Variants in PRELID2 observed in about 807,000 individuals in gnomAD.
PRELID2 encodes the protein PRELI domain containing 2.
A neutral mutation model predicts 28.4 loss-of-function variants in PRELID2; 25 were observed. That is an observed-to-expected ratio of 0.88 (90% CI 0.64 to 1.23). The LOEUF is 1.23. PRELID2 is among the 50% of genes most tolerant of loss of function. The pLI, the probability that PRELID2 is intolerant of heterozygous loss-of-function variation, is 0.00. For missense variants in PRELID2, 201 were observed against 214.4 expected, an observed-to-expected ratio of 0.94 and a Z score of 0.39; for synonymous variants, 76 against 71.6, an observed-to-expected ratio of 1.06 and a Z score of -0.31.
At chr5:145,336,071 CT>C in the PRELID2 span, among the ~76,000 whole-genome samples, 1 of 152,202 alleles carries the variant, frequency 6.6e-6, no homozygotes. Context: ...TAAATGTCTT[CT>C]TTTGAGAAGT....
chr5:145,306,433 T>C, the PRELID2 span, among the ~76,000 whole-genome samples: 1 of 152,094 alleles, frequency 6.6e-6, no homozygotes, highest in Non-Finnish European at 1.5e-5. Flanking sequence ...ATTCCATTAA[T>C]TACAATGGCA....
At position 145,655,389 on chromosome 5, in the gene PRELID2, G is replaced by GA. The variant is rs573012856; in HGVS notation, n.70+109541dup. ...ACCAATGACTTTCTTCACAGAATTG[G>GA]AAAAAACTACTTTAAAGTTCATGTG... On this transcript the variant is annotated intron_variant and non_coding_transcript_variant, in intron 1 of 2. Coordinates refer to the PRELID2 transcript ENST00000510259. 3.8e-3 allele frequency among the ~76,000 whole-genome samples: 580 copies of GA among 152,226 alleles called. 2 individuals are homozygous for GA. Among genetic ancestry groups the GA allele is most frequent in the African/African-American group, 0.013 (543 of 41,536 alleles).
intron 1 of PRELID2, among the ~76,000 whole-genome samples, chr5:145,740,265 A>AATATATAT (rs70998029): frequency 6.1e-4 from 25 of 40,652 alleles, no homozygotes; most frequent in South Asian, 1.4e-3. Context: ...GGATTTATCA[A>AATATATAT]ATATATATAT....
At chr5:145,549,999 G>T (rs761682306) in intron 1 of PRELID2, among the ~76,000 whole-genome samples, 1 of 152,132 alleles carries the variant, frequency 6.6e-6, no homozygotes, top group East Asian at 1.9e-4. Flanking sequence ...ATTGAGGAGG[G>T]TGGGAAGGCA....
chr5:145,707,407 A>G lies in PRELID2; in HGVS notation n.70+57524T>C, dbSNP rs543514428. Among the ~76,000 whole-genome samples, 4 of 152,332 alleles carry G rather than the reference A, an allele frequency of 2.6e-5. No individual in the cohort carries two copies. The Middle Eastern group carries it at 0.01, about 389-fold the overall frequency. On this transcript the variant is annotated intron_variant and non_coding_transcript_variant, in intron 1 of 2. Coordinates refer to the PRELID2 transcript ENST00000510259. ...CGCCAGTAATGTCGGAAAGAAGGTA[A>G]TTTCTGTATTATGAGCTCCAAGCTT... is the stretch of plus-strand genomic sequence containing the variant.
chr5:145,350,394 G>A, the PRELID2 span, among the ~76,000 whole-genome samples: 1 of 152,092 alleles, frequency 6.6e-6, no homozygotes, highest in African/African-American at 2.4e-5. Context: ...AAAGGCACAG[G>A]GCTCCAAGTT....
At chr5:145,769,098 C>T (rs1757950075) in intron 5 of PRELID2, among the ~76,000 whole-genome samples, 1 of 152,140 alleles carries the variant, frequency 6.6e-6, no homozygotes, top group Non-Finnish European at 1.5e-5. Context: ...AAATTTACAC[C>T]ACTTATCACA....
rs1352548496 is a variant in PRELID2, at chr5:145,741,236, A to C, written n.70+23695T>G. Reference sequence around the variant, plus strand: ...ATATAAAATATATATATAATATATAATATAAATATATAATATATAAATAAT... The same window carrying C: ...ATATAAAATATATATATAATATATACTATAAATATATAATATATAAATAAT... On this transcript the variant is annotated intron_variant and non_coding_transcript_variant, in intron 1 of 2. Coordinates refer to the PRELID2 transcript ENST00000510259. Among the ~76,000 whole-genome samples the C allele has an allele frequency of 4.0e-3, 449 of 113,210 alleles. 3 individuals are homozygous for C. The highest frequency in any genetic ancestry group is 0.016 in the African/African-American group (425 of 27,340). 74.3% of individuals were successfully genotyped at this position (113,210 alleles called of 152,430 possible).
At chr5:145,492,842 TA>T (rs1375519394) in intron 1 of PRELID2, among the ~76,000 whole-genome samples, 1 of 140,550 alleles carries the variant, frequency 7.1e-6, no homozygotes, top group East Asian at 2.0e-4. Flanking sequence ...GCCTTAGGGT[TA>T]TATGGTCCCA....
At chr5:145,544,100 G>A (rs376293759) in intron 1 of PRELID2, among the ~76,000 whole-genome samples, 4 of 151,944 alleles carry the variant, frequency 2.6e-5, no homozygotes, top group African/African-American at 7.2e-5. Context: ...GGTGAGGGTC[G>A]GTGAGTCAGA....
intron 3 of PRELID2, among the ~76,000 whole-genome samples, chr5:145,818,472 T>C (rs886531104): frequency 3.3e-5 from 5 of 152,198 alleles, no homozygotes; most frequent in Admixed American, 6.5e-5. Context: ...TAGAAATGTA[T>C]GGTTTCCTAG....
intron 1 of PRELID2, among the ~76,000 whole-genome samples, chr5:145,565,606 T>C (rs1034948823): frequency 5.9e-5 from 9 of 152,242 alleles, no homozygotes; most frequent in African/African-American, 2.2e-4. Context: ...ATGCTCACCT[T>C]GTTATGATCC....
At chr5:145,512,665 C>T (rs1028713370) in intron 1 of PRELID2, among the ~76,000 whole-genome samples, 1 of 152,192 alleles carries the variant, frequency 6.6e-6, no homozygotes, top group Non-Finnish European at 1.5e-5. Context: ...TCAAGTGGGT[C>T]CCTGACCCCA....
the PRELID2 span, among the ~76,000 whole-genome samples, chr5:145,442,980 T>C: frequency 6.6e-6 from 1 of 151,998 alleles, no homozygotes; most frequent in Non-Finnish European, 1.5e-5. Flanking sequence ...AGCCCTATCT[T>C]ATCCATATGG....
At chr5:145,702,575 C>A (rs556398646) in intron 1 of PRELID2, among the ~76,000 whole-genome samples, 3 of 152,156 alleles carry the variant, frequency 2.0e-5, no homozygotes, top group African/African-American at 7.2e-5. Flanking sequence ...AAATCTCACA[C>A]AAGAAGGCAA....
intron 1 of PRELID2, among the ~76,000 whole-genome samples, chr5:145,738,968 G>T (rs1279452937): frequency 6.6e-6 from 1 of 152,004 alleles, no homozygotes; most frequent in Non-Finnish European, 1.5e-5. Context: ...TTCCTATAAG[G>T]GAAAAACAGT....
chr5:145,555,806 A>G (rs1056938585), intron 1 of PRELID2, among the ~76,000 whole-genome samples: 1 of 152,246 alleles, frequency 6.6e-6, no homozygotes, highest in African/African-American at 2.4e-5. Flanking sequence ...AGAGCCAGGG[A>G]AAAAGGTCTT....
chr5:145,803,735 TA>T (rs11368542), intron 4 of PRELID2, among the ~76,000 whole-genome samples: 81 of 134,688 alleles, frequency 6.0e-4, no homozygotes, highest in East Asian at 1.3e-3. Context: ...CAATTTAAAG[TA>T]AAAAAAAAAA....
chr5:145,802,774 C>T (rs1179482894), intron 4 of PRELID2, among the ~76,000 whole-genome samples: 1 of 152,168 alleles, frequency 6.6e-6, no homozygotes, highest in Non-Finnish European at 1.5e-5. Context: ...AAGCACAACT[C>T]AAATCCCAGA....
Sources: allele counts gnomAD v4.1 joint callset (sites outside exome capture counted in the v4.1 genomes callset), GRCh38; gene constraint gnomAD v4.1.1; transcripts MANE v1.5; gene names NCBI Gene and HGNC (gene_info 2026-07-23, HGNC 2026-07-21).